The following GPD2 variants were observed in gnomAD, a reference collection of about 807,000 sequenced individuals.
GPD2 encodes glycerol-3-phosphate dehydrogenase 2, also known as glycerol-3-phosphate dehydrogenase, mitochondrial.
A neutral mutation model predicts 82.4 loss-of-function variants in GPD2; 54 were observed. That is an observed-to-expected ratio of 0.66 (90% CI 0.53 to 0.82). The LOEUF (loss-of-function observed/expected upper bound fraction) is 0.82, where lower values mean the gene tolerates loss of function less well. Among genes scored for constraint, GPD2 ranks in the 40% least tolerant of loss-of-function variants. The probability of loss-of-function intolerance (pLI) is 0.00; values close to 1 mark genes in which losing one functional copy is unlikely to be tolerated. For synonymous variants in GPD2, 288 were observed against 306.1 expected (o/e 0.94, Z 0.62); for missense variants, 748 against 896.2 (o/e 0.83, Z 2.11).
At chr2:156,445,720 T>C (rs1173363446) in intron 1 of GPD2, among the ~76,000 whole-genome samples, 1 of 152,228 alleles carries the variant, frequency 6.6e-6, no homozygotes, top group African/African-American at 2.4e-5. Flanking sequence ...TCTCCAGCCT[T>C]AGTCATGAGA....
chr2:156,421,458 A>G, the GPD2 span, among the ~76,000 whole-genome samples: 2 of 152,232 alleles, frequency 1.3e-5, no homozygotes, highest in Non-Finnish European at 2.9e-5. Context: ...GATAAAAGGT[A>G]ATAGTTGTTT....
At chr2:156,512,663 A>G (rs1685044803) in intron 5 of GPD2, among the ~76,000 whole-genome samples, 1 of 152,234 alleles carries the variant, frequency 6.6e-6, no homozygotes, top group Non-Finnish European at 1.5e-5. Flanking sequence ...GAGCTAAAGT[A>G]TCCTGTTATA....
chr2:156,453,778 G>A (rs1454702662), intron 1 of GPD2, among the ~76,000 whole-genome samples: 1 of 152,206 alleles, frequency 6.6e-6, no homozygotes, highest in Non-Finnish European at 1.5e-5. Flanking sequence ...TTGGGAGGCT[G>A]AGGCAGGAGA....
At chr2:156,528,572 A>G (rs924261285) in intron 6 of GPD2, among the ~76,000 whole-genome samples, 4 of 141,694 alleles carry the variant, frequency 2.8e-5, no homozygotes, top group South Asian at 5.0e-4. Flanking sequence ...ATATCTCCCA[A>G]TGCTATCCCT....
intron 15 of GPD2, 144 bp from the exon 16 acceptor site, chr2:156,579,546 G>A: frequency 1.6e-6 from 1 of 616,988 alleles, no homozygotes; most frequent in Admixed American, 2.6e-5. Flanking sequence ...TGGCCAGGCT[G>A]GTCTCGAACT....
At chr2:156,405,704 C>T in the GPD2 span, among the ~76,000 whole-genome samples, 4 of 152,140 alleles carry the variant, frequency 2.6e-5, no homozygotes, top group Non-Finnish European at 5.9e-5. Context: ...ACCAACAGTG[C>T]CTTCTGGGTG....
At chr2:156,442,943 A>G (rs1056135180) in intron 1 of GPD2, among the ~76,000 whole-genome samples, 3 of 152,104 alleles carry the variant, frequency 2.0e-5, no homozygotes, top group Non-Finnish European at 2.9e-5. Context: ...CGTTCTAAAT[A>G]TTTGTCTTGG....
intron 8 of GPD2, among the ~76,000 whole-genome samples, chr2:156,552,848 G>A (rs894166651): frequency 2.7e-5 from 4 of 149,392 alleles, no homozygotes; most frequent in African/African-American, 9.9e-5. Context: ...TCCTTGGGCT[G>A]TGTGGCCTGG....
At chr2:156,496,348 C>T (rs1384097407) in intron 3 of GPD2, 133 bp downstream of exon 3, 2 of 656,664 alleles carry the variant, frequency 3.0e-6, no homozygotes, top group Admixed American at 2.4e-5. Flanking sequence ...GGTACAAGCT[C>T]AGCATGCATT....
intron 9 of GPD2, among the ~76,000 whole-genome samples, chr2:156,561,945 C>T (rs1277672039): frequency 6.6e-6 from 1 of 152,180 alleles, no homozygotes; most frequent in Non-Finnish European, 1.5e-5. Flanking sequence ...GAAAGCTTTC[C>T]ATTCACAGGC....
At chr2:156,516,933 C>T (rs1014782877) in intron 6 of GPD2, among the ~76,000 whole-genome samples, 3 of 152,264 alleles carry the variant, frequency 2.0e-5, no homozygotes, top group Admixed American at 6.5e-5. Context: ...GTATCTTCAA[C>T]GCAGAGATGT....
At chr2:156,548,558 C>A (rs1226733123) in intron 6 of GPD2, among the ~76,000 whole-genome samples, 2 of 152,152 alleles carry the variant, frequency 1.3e-5, no homozygotes, top group African/African-American at 4.8e-5. Flanking sequence ...TAACTTTGCC[C>A]TTTTAGCTGG....
At chr2:156,522,586 C>G (rs1685448606) in intron 6 of GPD2, among the ~76,000 whole-genome samples, 1 of 152,152 alleles carries the variant, frequency 6.6e-6, no homozygotes, top group Non-Finnish European at 1.5e-5. Context: ...CTACTATTTG[C>G]CAGGCATTGT....
intron 16 of GPD2, 104 bp downstream of exon 16, chr2:156,579,892 A>T: frequency 1.4e-6 from 1 of 724,812 alleles, no homozygotes; most frequent in Non-Finnish European, 2.6e-6. Context: ...CACAATTGTC[A>T]GATTATTCTG....
Position 156,578,944 on chromosome 2 carries a change from G to A in GPD2, c.1823G>A (p.Arg608Gln), listed in dbSNP as rs141852114. ...FLYYEMGYKS[R>Q]SEQLTDRSEI... ...TATTATGAAATGGGCTATAAATCTC[G>A]ATCAGAACAGTTAACAGATCGCTCT... Residue 608 changes from arginine (R) to glutamine (Q), a missense_variant, in exon 14 of 17, where the codon CGA becomes CAA. Physicochemically the swap from Arg to Gln is conservative, Grantham distance 43. This residue lies in a region of GPD2 where 692 missense variants were observed against 809.7 expected (regional missense o/e 0.85). Coordinates refer to ENST00000438166, the MANE Select transcript of GPD2 (RefSeq NM_000408.5). 1.4e-4 allele frequency: 226 copies of A among 1,612,316 alleles called. No individual in the cohort carries two copies. The highest frequency in any genetic ancestry group is 1.8e-4 in the East Asian group (8 of 44,798).
At chr2:156,505,305 T>C (rs895776933) in intron 3 of GPD2, among the ~76,000 whole-genome samples, 5 of 152,150 alleles carry the variant, frequency 3.3e-5, no homozygotes, top group Admixed American at 3.3e-4. Flanking sequence ...TTGACTTTAT[T>C]CTTCTACTCT....
In GPD2 at chr2:156,582,995, A is replaced by G; in HGVS notation, c.*77A>G. On this transcript the variant is annotated 3_prime_UTR_variant, in exon 17 of 17. Coordinates refer to ENST00000438166, the MANE Select transcript of GPD2 (RefSeq NM_000408.5). ...GTAACAACCAGAGATGACTGAAACC[A>G]CTCTGAAATAATGAATGTGGATAGC... The G allele has an allele frequency of 4.1e-6, 6 of 1,466,184 alleles. No individual in the cohort carries two copies. Among genetic ancestry groups the G allele is most frequent in the Non-Finnish European group, 5.7e-6 (6 of 1,048,954 alleles). The allele number at this position is 1,466,184 out of a possible 1,614,324, so 90.8% of individuals were successfully genotyped here. A position where few individuals can be genotyped will look rare whatever the true frequency, so the allele number is the denominator to read the frequency against.
At chr2:156,427,139 T>C in the GPD2 span, among the ~76,000 whole-genome samples, 1 of 152,218 alleles carries the variant, frequency 6.6e-6, no homozygotes, top group Non-Finnish European at 1.5e-5. Context: ...GGACAACAAC[T>C]AACTCAGCAA....
intron 1 of GPD2, among the ~76,000 whole-genome samples, chr2:156,453,059 G>A (rs1020976539): frequency 2.0e-5 from 3 of 152,192 alleles, no homozygotes; most frequent in Non-Finnish European, 4.4e-5. Flanking sequence ...AATGTAATAG[G>A]ATTGTGGGTC....
Sources: allele counts gnomAD v4.1 joint callset (sites outside exome capture counted in the v4.1 genomes callset), GRCh38; gene constraint gnomAD v4.1.1; regional missense constraint gnomAD v4.1.1; transcripts MANE v1.5; gene names NCBI Gene and HGNC (gene_info 2026-07-23, HGNC 2026-07-21).